Variants in SFMBT2 observed in about 807,000 individuals in gnomAD.
SFMBT2 encodes the protein scm-like with four MBT domains protein 2.
Under a neutral mutation model 110.1 loss-of-function variants are expected in SFMBT2, and 38 were observed. The observed-to-expected ratio is 0.35, with a 90% CI of 0.27 to 0.45. SFMBT2 has a LOEUF of 0.45. SFMBT2 is among the 20% of genes least tolerant of loss of function. The pLI is 1.00. For synonymous variants in SFMBT2, 425 were observed against 425.4 expected (o/e 1.00, Z 0.01); for missense variants, 1,011 against 1,094.9 (o/e 0.92, Z 1.08).
intron 11 of SFMBT2, among the ~76,000 whole-genome samples, chr10:7,214,054 CAG>C (rs1232234352): frequency 1.2e-5 from 1 of 84,466 alleles, no homozygotes; most frequent in Non-Finnish European, 2.8e-5. Context: ...ATGGAGGAGA[CAG>C]AGGAGCAACC....
intron 12 of SFMBT2, chr10:7,204,859 G>C: frequency 1.2e-6 from 1 of 844,552 alleles, no homozygotes; most frequent in Non-Finnish European, 1.4e-6. Context: ...GGCAACAAGA[G>C]CGAAACTCCA....
At position 7,276,697 on chromosome 10, in the gene SFMBT2, T is replaced by G. The variant is rs188110532; in HGVS notation, c.870+195A>C. 2.0e-5 allele frequency among the ~76,000 whole-genome samples: 3 copies of G among 152,230 alleles called. No individual in the cohort carries two copies. In the East Asian group the frequency reaches 5.8e-4, roughly 29 times the overall value. On this transcript the variant is annotated intron_variant, in intron 7 of 20. Transcript: ENST00000397167. ...GCACACACCACACGCCTGGCTAATT[T>G]TTGTATTTTTAGTAGAAATAGGGTT...
At chr10:7,268,015 G>A (rs992648308) in intron 7 of SFMBT2, among the ~76,000 whole-genome samples, 6 of 152,204 alleles carry the variant, frequency 3.9e-5, no homozygotes, top group Non-Finnish European at 1.5e-5. Flanking sequence ...GGACAAATGA[G>A]TTGTCAGTGA....
intron 4 of SFMBT2, among the ~76,000 whole-genome samples, chr10:7,350,175 G>A (rs1349194679): frequency 6.6e-6 from 1 of 151,770 alleles, no homozygotes; most frequent in Non-Finnish European, 1.5e-5. Context: ...CTGCCCAATC[G>A]TGTCTTAGTT....
rs192995184 is a variant in SFMBT2 at position 7,208,274 on chromosome 10, C to T, written c.1331-2346G>A. ...TGGTACACAAGGTCATTTTCTCCTCCGCAGACCCAAAGAGCATTTGTTTCT... is the reference window on the plus strand; with the variant it reads ...TGGTACACAAGGTCATTTTCTCCTCTGCAGACCCAAAGAGCATTTGTTTCT... On this transcript the variant is annotated intron_variant, in intron 11 of 20. Transcript: ENST00000397167. Among the ~76,000 whole-genome samples the T allele has an allele frequency of 1.9e-3, 287 of 150,588 alleles. 1 individual carries two copies. The highest frequency in any genetic ancestry group is 6.6e-3 in the African/African-American group (263 of 40,000).
At chr10:7,187,252 T>C (rs1471010449) in intron 16 of SFMBT2, among the ~76,000 whole-genome samples, 1 of 152,180 alleles carries the variant, frequency 6.6e-6, no homozygotes, top group Non-Finnish European at 1.5e-5. Flanking sequence ...TGCAGAAAAG[T>C]TTTAAAATAA....
At chr10:7,226,737 G>T (rs1298250338) in intron 10 of SFMBT2, among the ~76,000 whole-genome samples, 1 of 152,164 alleles carries the variant, frequency 6.6e-6, no homozygotes, top group Admixed American at 6.5e-5. Context: ...GTCATGTACT[G>T]CATAGTGACG....
intron 4 of SFMBT2, among the ~76,000 whole-genome samples, chr10:7,322,128 G>T (rs887913806): frequency 2.0e-5 from 3 of 152,144 alleles, no homozygotes; most frequent in Non-Finnish European, 4.4e-5. Flanking sequence ...GACCCACTAG[G>T]GGGGAATTGA....
At chr10:7,336,600 G>A (rs2131973730) in intron 4 of SFMBT2, among the ~76,000 whole-genome samples, 1 of 152,268 alleles carries the variant, frequency 6.6e-6, no homozygotes, top group African/African-American at 2.4e-5. Flanking sequence ...GATGCAGTGA[G>A]CTATGATCAT....
chr10:7,239,608 G>A (rs1840370829), intron 9 of SFMBT2, among the ~76,000 whole-genome samples: 1 of 152,052 alleles, frequency 6.6e-6, no homozygotes, highest in Non-Finnish European at 1.5e-5. Flanking sequence ...AGAGAGTAAG[G>A]GAGTCAATGA....
intron 12 of SFMBT2, chr10:7,205,505 G>C: frequency 2.0e-6 from 2 of 977,420 alleles, no homozygotes; most frequent in Non-Finnish European, 2.4e-6. Context: ...CAATAATATA[G>C]TATCTAACAT....
At chr10:7,203,438 C>G in intron 12 of SFMBT2, 1 of 241,308 alleles carries the variant, frequency 4.1e-6, no homozygotes, top group Non-Finnish European at 6.7e-6. Context: ...GCCTGACCCC[C>G]TGGGAAAGAG....
At chr10:7,319,708 TAGACTGAAAGAGACAGAGAG>T (rs1843114364) in intron 4 of SFMBT2, among the ~76,000 whole-genome samples, 1 of 90,744 alleles carries the variant, frequency 1.1e-5, no homozygotes, top group African/African-American at 4.4e-5. Flanking sequence ...GAGACAGAGA[TAGACTGAAAGAGACAGAGAG>T]AGAGGAAGAT....
At chr10:7,323,583 G>GT (rs1765336573) in intron 4 of SFMBT2, among the ~76,000 whole-genome samples, 1 of 152,026 alleles carries the variant, frequency 6.6e-6, no homozygotes, top group Admixed American at 6.6e-5. Flanking sequence ...AACTATAGTG[G>GT]TTTTTTCAAT....
At chr10:7,388,942 A>C (rs372883863) in intron 1 of SFMBT2, among the ~76,000 whole-genome samples, 10 of 152,218 alleles carry the variant, frequency 6.6e-5, no homozygotes, top group African/African-American at 2.2e-4. Flanking sequence ...AACTAAAAAC[A>C]TGGAAGTGCA....
intron 10 of SFMBT2, among the ~76,000 whole-genome samples, chr10:7,224,521 G>A (rs1409374552): frequency 1.3e-5 from 2 of 152,128 alleles, no homozygotes; most frequent in African/African-American, 2.4e-5. Flanking sequence ...AACTGTGGCT[G>A]CCCTCAAGCT....
intron 4 of SFMBT2, among the ~76,000 whole-genome samples, chr10:7,308,781 T>C (rs1461120337): frequency 6.6e-6 from 1 of 152,198 alleles, no homozygotes; most frequent in Non-Finnish European, 1.5e-5. Context: ...CAGACATGAA[T>C]GCTGTACTTA....
intron 1 of SFMBT2, among the ~76,000 whole-genome samples, chr10:7,382,691 G>C (rs1025002393): frequency 6.6e-6 from 1 of 151,824 alleles, no homozygotes; most frequent in Admixed American, 6.6e-5. Flanking sequence ...GCAGTGCCCT[G>C]CCTCAGGAAG....
At chr10:7,228,715 CTTTCTTTCTTTCTTTCTTTCCTTT>C (rs1249003108) in intron 9 of SFMBT2, among the ~76,000 whole-genome samples, 7 of 132,512 alleles carry the variant, frequency 5.3e-5, no homozygotes, top group African/African-American at 1.8e-4. Flanking sequence ...TTCTTTCTTT[CTTTCTTTCTTTCTTTCTTTCCTTT>C]CTCTCTCTCT....
Sources: gnomAD v4.1 joint callset for allele counts (sites outside exome capture counted in the v4.1 genomes callset) on GRCh38, gnomAD v4.1.1 for gene constraint, MANE v1.5 for transcripts, NCBI Gene and HGNC (gene_info 2026-07-23, HGNC 2026-07-21) for gene names.